Variants in KCNMB2 observed in about 807,000 individuals in gnomAD.
KCNMB2 encodes the protein calcium-activated potassium channel subunit beta-2.
Under a neutral mutation model 24.5 loss-of-function variants are expected in KCNMB2, and 9 were observed. The ratio of observed to expected loss-of-function variants is 0.37; its 90% CI spans 0.22 to 0.64. The LOEUF (loss-of-function observed/expected upper bound fraction) is 0.64, where lower values mean the gene tolerates loss of function less well. KCNMB2 is among the 30% of genes least tolerant of loss of function. The pLI is 0.63. For missense variants in KCNMB2, 226 were observed against 284.3 expected, an observed-to-expected ratio of 0.79 and a Z score of 1.47; for synonymous variants, 109 against 104.4, an observed-to-expected ratio of 1.04 and a Z score of -0.27.
intron 1 of KCNMB2, among the ~76,000 whole-genome samples, chr3:178,638,862 T>C (rs1719623345): frequency 6.6e-6 from 1 of 152,238 alleles, no homozygotes; most frequent in Non-Finnish European, 1.5e-5. Flanking sequence ...ATAGCATTAG[T>C]CAATCATTTC....
At chr3:178,678,859 C>A (rs1721162317) in intron 1 of KCNMB2, among the ~76,000 whole-genome samples, 1 of 152,130 alleles carries the variant, frequency 6.6e-6, no homozygotes, top group Non-Finnish European at 1.5e-5. Flanking sequence ...CATCACATTA[C>A]CGGGCTCAAT....
chr3:178,615,433 A>G (rs989133011), intron 1 of KCNMB2, among the ~76,000 whole-genome samples: 2 of 152,190 alleles, frequency 1.3e-5, no homozygotes, highest in Non-Finnish European at 2.9e-5. Context: ...CAAAAATATT[A>G]GAAGTCTACC....
intron 1 of KCNMB2, among the ~76,000 whole-genome samples, chr3:178,789,646 C>T (rs1713244805): frequency 6.6e-6 from 1 of 152,146 alleles, no homozygotes. Context: ...CACAGCTGCC[C>T]TGTCACAGTG....
At chr3:178,706,307 G>A (rs923774303) in intron 1 of KCNMB2, among the ~76,000 whole-genome samples, 2 of 152,214 alleles carry the variant, frequency 1.3e-5, no homozygotes, top group East Asian at 3.9e-4. Context: ...ATGAGATAAT[G>A]TATGCAGAAC....
At chr3:178,684,469 A>G (rs889134491) in intron 1 of KCNMB2, among the ~76,000 whole-genome samples, 1 of 152,120 alleles carries the variant, frequency 6.6e-6, no homozygotes, top group Admixed American at 6.5e-5. Flanking sequence ...TTTGTGCCAA[A>G]TAAGTAGATT....
At chr3:178,721,293 G>A (rs550046573) in intron 1 of KCNMB2, among the ~76,000 whole-genome samples, 20 of 152,184 alleles carry the variant, frequency 1.3e-4, no homozygotes, top group Admixed American at 2.6e-4. Flanking sequence ...GTAGATATGC[G>A]GCGTTATTTC....
intron 1 of KCNMB2, among the ~76,000 whole-genome samples, chr3:178,540,287 C>T (rs1305748299): frequency 6.6e-6 from 1 of 152,174 alleles, no homozygotes; most frequent in East Asian, 1.9e-4. Context: ...TCCACTGCTA[C>T]CACTCTGGGC....
chr3:178,796,425 C>T (rs993944306), intron 1 of KCNMB2, among the ~76,000 whole-genome samples: 9 of 152,162 alleles, frequency 5.9e-5, no homozygotes, highest in Admixed American at 5.9e-4. Flanking sequence ...ATTTACAGAA[C>T]ATTTCATCCA....
chr3:178,710,025 T>C (rs532212707), intron 1 of KCNMB2, among the ~76,000 whole-genome samples: 1 of 152,232 alleles, frequency 6.6e-6, no homozygotes, highest in South Asian at 2.1e-4. Context: ...GAAATGCACA[T>C]TTACCTTCTC....
At chr3:178,744,251 C>T (rs1723589300) in intron 1 of KCNMB2, among the ~76,000 whole-genome samples, 1 of 152,144 alleles carries the variant, frequency 6.6e-6, no homozygotes, top group Non-Finnish European at 1.5e-5. Context: ...GATTAATAAC[C>T]TGAAATATCT....
intron 1 of KCNMB2, among the ~76,000 whole-genome samples, chr3:178,777,475 C>G (rs1490614710): frequency 6.6e-6 from 1 of 152,118 alleles, no homozygotes; most frequent in South Asian, 2.1e-4. Flanking sequence ...CATTACATGG[C>G]AAGATGTACT....
chr3:178,633,024 C>T (rs186079569), intron 1 of KCNMB2, among the ~76,000 whole-genome samples: 408 of 152,322 alleles, frequency 2.7e-3, no homozygotes, highest in African/African-American at 9.5e-3. Flanking sequence ...TCCCCTTTGA[C>T]TCCATGTCTC....
chr3:178,595,271 T>C (rs751598501), intron 1 of KCNMB2, among the ~76,000 whole-genome samples: 11 of 152,022 alleles, frequency 7.2e-5, no homozygotes, highest in Non-Finnish European at 1.6e-4. Flanking sequence ...TTATTATCCG[T>C]GATTTAAATT....
chr3:178,773,286 A>G (rs2108423520), intron 1 of KCNMB2, among the ~76,000 whole-genome samples: 2 of 144,216 alleles, frequency 1.4e-5, no homozygotes, highest in Middle Eastern at 7.0e-3. Flanking sequence ...CCACTTCATT[A>G]TTTTCTTGCA....
At chr3:178,809,707 G>A (rs1210450017) in intron 2 of KCNMB2, among the ~76,000 whole-genome samples, 7 of 152,190 alleles carry the variant, frequency 4.6e-5, no homozygotes, top group Non-Finnish European at 1.0e-4. Flanking sequence ...TGTGACTGAC[G>A]TATTGGTAAT....
chr3:178,541,352 CT>C (rs1236268564), intron 1 of KCNMB2, among the ~76,000 whole-genome samples: 1 of 152,148 alleles, frequency 6.6e-6, no homozygotes. Context: ...TTGCTCTCCC[CT>C]GGCAATGAGG....
chr3:178,576,507 T>C (rs569078927), intron 1 of KCNMB2, among the ~76,000 whole-genome samples: 4 of 152,106 alleles, frequency 2.6e-5, no homozygotes, highest in Admixed American at 2.0e-4. Context: ...TTCACTCTCC[T>C]GGAAAGGGGG....
intron 1 of KCNMB2, among the ~76,000 whole-genome samples, chr3:178,713,605 A>T (rs1325272549): frequency 6.6e-6 from 1 of 152,170 alleles, no homozygotes; most frequent in Non-Finnish European, 1.5e-5. Flanking sequence ...CTGCTCTGCC[A>T]GCCTGCCCCC....
intron 1 of KCNMB2, among the ~76,000 whole-genome samples, chr3:178,793,517 G>C (rs570609742): frequency 8.6e-5 from 13 of 151,702 alleles, no homozygotes; most frequent in African/African-American, 1.9e-4. Flanking sequence ...TTCACCCTGG[G>C]GGGGTGGGCA....
Sources: allele counts gnomAD v4.1 joint callset (sites outside exome capture counted in the v4.1 genomes callset), GRCh38; gene constraint gnomAD v4.1.1; transcripts MANE v1.5; gene names NCBI Gene and HGNC (gene_info 2026-07-23, HGNC 2026-07-21).